KCNK2: variants seen among roughly 807,000 people sequenced by gnomAD.
KCNK2 encodes potassium channel subfamily K member 2.
KCNK2 carries 21 observed loss-of-function variants against 40.5 expected under a neutral mutation model. The observed-to-expected ratio is 0.52, with a 90% confidence interval of 0.37 to 0.75. The LOEUF (loss-of-function observed/expected upper bound fraction) is 0.75. KCNK2 is among the 30% of genes least tolerant of loss of function. The pLI is 0.00. For missense variants in KCNK2, 399 were observed against 531.6 expected (o/e 0.75, Z 2.45); for synonymous variants, 191 against 202.2 (o/e 0.94, Z 0.47).
At chr1:215,152,612 A>C (rs765987041) in intron 3 of KCNK2, among the ~76,000 whole-genome samples, 8 of 152,132 alleles carry the variant, frequency 5.3e-5, no homozygotes, top group Non-Finnish European at 1.0e-4. Context: ...TCTTCATCTG[A>C]GTTTCCTCAG....
chr1:215,061,364 A>C (rs1485520503), intron 1 of KCNK2, among the ~76,000 whole-genome samples: 1 of 152,162 alleles, frequency 6.6e-6, no homozygotes, highest in Non-Finnish European at 1.5e-5. Flanking sequence ...ATTAGTTAGA[A>C]GTGTGAGTTT....
Position 215,063,367 on chromosome 1 carries a change from C to T in KCNK2, c.35-23001C>T, listed in dbSNP as rs75066696. ...AAGGAGAAAAGATTAGAAACAGATA[C>T]GGTGGTGGCAGGAGCACCAACTTGG... On this transcript the variant is annotated intron_variant, in intron 1 of 6. Transcript: ENST00000391895. Among the ~76,000 whole-genome samples, 681 of 152,252 alleles carry T rather than the reference C, an allele frequency of 4.5e-3. 6 individuals are homozygous for T. Among genetic ancestry groups the T allele is most frequent in the African/African-American group, 0.016 (656 of 41,538 alleles).
At chr1:215,207,642 T>A (rs552119844) in intron 6 of KCNK2, among the ~76,000 whole-genome samples, 1 of 152,328 alleles carries the variant, frequency 6.6e-6, no homozygotes, top group African/African-American at 2.4e-5. Context: ...AGTAGTCACT[T>A]TCATAATGAA....
rs1234374982 is a variant in KCNK2, at chr1:215,174,305, G to A, written c.823+2122G>A. ...TAGATGTGTGCTATTATTTCTGAGG[G>A]CTCTGTTCTGTTTCATTGGTCTATA... On this transcript the variant is annotated intron_variant, in intron 5 of 6. Transcript: ENST00000444842. 2.0e-5 allele frequency among the ~76,000 whole-genome samples: 3 copies of A among 151,892 alleles called. No homozygotes were observed. The East Asian group carries it at 5.8e-4, about 29-fold the overall frequency.
chr1:215,111,251 C>T (rs956825015), intron 2 of KCNK2, among the ~76,000 whole-genome samples: 1 of 151,950 alleles, frequency 6.6e-6, no homozygotes, highest in Non-Finnish European at 1.5e-5. Context: ...CTAGGATTTC[C>T]AGTACTGTTT....
intron 3 of KCNK2, among the ~76,000 whole-genome samples, chr1:215,146,431 G>C (rs904609420): frequency 6.6e-6 from 1 of 152,112 alleles, no homozygotes; most frequent in African/African-American, 2.4e-5. Context: ...ACTAAAAATA[G>C]CAAGGGAGCC....
intron 3 of KCNK2, among the ~76,000 whole-genome samples, chr1:215,167,862 T>C (rs1031681562): frequency 1.3e-5 from 2 of 152,042 alleles, no homozygotes; most frequent in African/African-American, 4.8e-5. Context: ...AAAGCCAACA[T>C]TGAAAAATGG....
chr1:215,145,064 C>A (rs967947536), intron 3 of KCNK2, among the ~76,000 whole-genome samples: 3 of 152,142 alleles, frequency 2.0e-5, no homozygotes, highest in African/African-American at 4.8e-5. Flanking sequence ...CCACTCCTTA[C>A]TTGAAATATG....
intron 3 of KCNK2, among the ~76,000 whole-genome samples, chr1:215,150,506 T>C (rs1472008208): frequency 6.6e-6 from 1 of 152,162 alleles, no homozygotes; most frequent in East Asian, 1.9e-4. Flanking sequence ...GACCTTATTC[T>C]GTTCTTTTCT....
At chr1:215,089,825 C>CTTTTT (rs752551744) in intron 2 of KCNK2, among the ~76,000 whole-genome samples, 1 of 62,642 alleles carries the variant, frequency 1.6e-5, no homozygotes, top group African/African-American at 6.2e-5. Context: ...GTTTCTTTTT[C>CTTTTT]TTTTTTTTTT....
chr1:215,022,899 C>T (rs1005700755), intron 1 of KCNK2, among the ~76,000 whole-genome samples: 3 of 152,182 alleles, frequency 2.0e-5, no homozygotes, highest in Non-Finnish European at 4.4e-5. Context: ...GTGATTTACT[C>T]CTTCCTTCTT....
At chr1:215,052,196 C>T (rs116715459) in intron 1 of KCNK2, among the ~76,000 whole-genome samples, 18 of 151,660 alleles carry the variant, frequency 1.2e-4, no homozygotes, top group African/African-American at 2.2e-4. Flanking sequence ...AGGGTGAAAC[C>T]GGTGAAACTA....
chr1:215,124,757 G>A lies in KCNK2; in HGVS notation c.475+7G>A. On this transcript the variant is annotated splice_region_variant and intron_variant, in intron 3 of 6. Transcript: ENST00000444842. The stretch of plus-strand genomic sequence containing the variant: ...ACTGTTATTACAACCATAGGTAGGA[G>A]ACAACTTATTTTTGTTTTTTGTTTT... The A allele has an allele frequency of 6.6e-7, 1 of 1,522,178 alleles. No homozygotes were observed. Among genetic ancestry groups the A allele is most frequent in the Non-Finnish European group, 9.1e-7 (1 of 1,097,976 alleles). 94.3% of individuals were successfully genotyped at this position (1,522,178 alleles called of 1,614,324 possible).
intron 2 of KCNK2, among the ~76,000 whole-genome samples, chr1:215,115,890 G>A (rs1023523220): frequency 2.6e-5 from 4 of 151,448 alleles, no homozygotes; most frequent in Admixed American, 6.6e-5. Context: ...GGGAAATGCC[G>A]CTTCAGTGTG....
At chr1:215,105,674 A>T (rs1660405514) in intron 2 of KCNK2, among the ~76,000 whole-genome samples, 1 of 151,974 alleles carries the variant, frequency 6.6e-6, no homozygotes, top group South Asian at 2.1e-4. Flanking sequence ...GGCTTGGGGC[A>T]TTACTGATCC....
intron 6 of KCNK2, among the ~76,000 whole-genome samples, chr1:215,234,053 T>C (rs1472218637): frequency 6.6e-6 from 1 of 152,198 alleles, no homozygotes; most frequent in East Asian, 1.9e-4. Flanking sequence ...GTGTGTACTG[T>C]GAAGATGTCT....
At chr1:215,214,157 T>G (rs1209369579) in intron 6 of KCNK2, among the ~76,000 whole-genome samples, 1 of 152,182 alleles carries the variant, frequency 6.6e-6, no homozygotes, top group Non-Finnish European at 1.5e-5. Context: ...AAGGTTTAAT[T>G]GGCTCACCGT....
chr1:215,184,302 A>G (rs1441876187), intron 5 of KCNK2, among the ~76,000 whole-genome samples: 1 of 152,228 alleles, frequency 6.6e-6, no homozygotes, highest in Non-Finnish European at 1.5e-5. Flanking sequence ...AGATATAGTG[A>G]TGATAACAAA....
chr1:215,033,957 T>C (rs1323450822), intron 1 of KCNK2, among the ~76,000 whole-genome samples: 1 of 152,164 alleles, frequency 6.6e-6, no homozygotes, highest in Non-Finnish European at 1.5e-5. Context: ...TTTTATCTCT[T>C]GGTCTTGTCT....
Sources: allele counts gnomAD v4.1 joint callset (sites outside exome capture counted in the v4.1 genomes callset), GRCh38; gene constraint gnomAD v4.1.1; transcripts MANE v1.5; gene names NCBI Gene and HGNC (gene_info 2026-07-23, HGNC 2026-07-21).